Variants in CAPN12 observed in about 807,000 individuals in gnomAD.
CAPN12 encodes the protein calpain 12.
In CAPN12, 107 loss-of-function variants were observed where a neutral mutation model predicts 95.0. The ratio of observed to expected loss-of-function variants is 1.13; its 90% CI spans 0.96 to 1.32. CAPN12 has a LOEUF of 1.32. CAPN12 is among the 40% of genes most tolerant of loss of function. CAPN12 has a pLI of 0.00. For missense variants in CAPN12, 1,136 were observed against 997.8 expected, an observed-to-expected ratio of 1.14 and a Z score of -1.87; for synonymous variants, 505 against 415.5, an observed-to-expected ratio of 1.22 and a Z score of -2.62.
Position 38,742,480 on chromosome 19 carries a change from C to G in CAPN12, c.356G>C (p.Arg119Pro), listed in dbSNP as rs377331214. 1 of 1,613,740 alleles carries G rather than the reference C, an allele frequency of 6.2e-7. No individual in the cohort carries two copies. The highest frequency in any genetic ancestry group is 8.5e-7 in the Non-Finnish European group (1 of 1,179,816). ...AAAASLTLYP[R>P]LLRRVVPPGQ... ...AGGAGGGACCACCCGGCGCAGGAGCCGGGGATACAGAGTAAGGGAGGCGGC... is the reference window on the plus strand; with the variant it reads ...AGGAGGGACCACCCGGCGCAGGAGCGGGGGATACAGAGTAAGGGAGGCGGC... Residue 119 changes from arginine to proline, a missense_variant, in exon 3 of 21, where the codon CGG (arginine) becomes CCG (proline). Physicochemically the swap from Arg to Pro is moderately radical, Grantham distance 103. Coordinates refer to ENST00000328867, the MANE Select transcript of CAPN12 (RefSeq NM_144691.4).
At chr19:38,741,682 A>G in intron 4 of CAPN12, 95 bp downstream of exon 4, 1 of 1,465,766 alleles carries the variant, frequency 6.8e-7, no homozygotes. Context: ...GGGTGTTTGG[A>G]GGATTGCAGA....
At position 38,736,104 on chromosome 19, in the gene CAPN12, G is replaced by A. The variant is rs1255405856; in HGVS notation, c.1583+6C>T. On this transcript the variant is annotated splice_donor_region_variant and intron_variant, in intron 12 of 20. Transcript: ENST00000328867. The stretch of plus-strand genomic sequence containing the variant: ...ATGGGGTCGGATTTGGGTGCCCGGG[G>A]CTCACACGGCCGTGTGGCGGCGCTC... The A allele has an allele frequency of 1.4e-5, 21 of 1,492,268 alleles. No homozygotes were observed. Among genetic ancestry groups the A allele is most frequent in the Non-Finnish European group, 1.8e-5 (20 of 1,124,280 alleles). The allele number at this position is 1,492,268 out of a possible 1,614,324, so 92.4% of individuals were successfully genotyped here.
chr19:38,734,841 C>T lies in CAPN12; in HGVS notation c.1716G>A (p.Gln572=). Residue 572 remains glutamine (Q), a synonymous_variant, in exon 15 of 21, where the codon CAG becomes CAA. Transcript: ENST00000328867. ...GCTCCAGGGCAATGCTTAGTAAGGCCTGGAGCTGAGAGGCATTGAGTTCTT... is the reference window on the plus strand; with the variant it reads ...GCTCCAGGGCAATGCTTAGTAAGGCTTGGAGCTGAGAGGCATTGAGTTCTT... ...EEEELNASQL[Q]ALLSIALEPA... is the part of the protein sequence containing the mutation. 1.2e-6 allele frequency: 2 copies of T among 1,612,764 alleles called. No homozygotes were observed. The highest frequency in any genetic ancestry group is 1.7e-6 in the Non-Finnish European group (2 of 1,179,886).
In CAPN12 at chr19:38,737,361, C is replaced by T. The variant is rs1970271014; in HGVS notation, c.1157G>A (p.Arg386His). 5 of 1,568,752 alleles carry T rather than the reference C, an allele frequency of 3.2e-6. No homozygotes were observed. The highest frequency in any genetic ancestry group is 4.3e-6 in the Non-Finnish European group (5 of 1,153,942). ...CTCATCAGGCTCCAGCAGCGTTAAA[C>T]GGAACTGAGGATTGGTCCAGAAGGT... ...AETFWTNPQFRLTLLEPDEED... is the reference protein window; with the variant it reads ...AETFWTNPQFHLTLLEPDEED... The change falls in exon 10 of 21, where the codon CGT becomes CAT. Residue 386 changes from arginine to histidine, a missense_variant. By Grantham distance (29) the Arg-to-His change is conservative. Coordinates refer to ENST00000328867, the MANE Select transcript of CAPN12 (RefSeq NM_144691.4).
chr19:38,736,633 C>T (rs1970193294), intron 10 of CAPN12, 70 bp from the exon 11 acceptor site: 1 of 1,504,704 alleles, frequency 6.6e-7, no homozygotes, highest in East Asian at 2.3e-5. Flanking sequence ...CTCCTCCCTG[C>T]CCCTTCTCAC....
Position 38,742,463 on chromosome 19 carries a change from C to A in CAPN12, c.373G>T (p.Val125Phe). 6.2e-7 allele frequency: 1 copy of A among 1,613,920 alleles called. No individual in the cohort carries two copies. The change falls in exon 3 of 21, where the codon GTC becomes TTC. Residue 125 changes from valine to phenylalanine, a missense_variant. Physicochemically the swap from Val to Phe is conservative, Grantham distance 50 (BLOSUM62 -1). Transcript: ENST00000328867. ...TGCTGGAAATCCTGTCCAGGAGGGA[C>A]CACCCGGCGCAGGAGCCGGGGATAC... ...TLYPRLLRRV[V>F]PPGQDFQHGY...
chr19:38,733,588 G>A, intron 18 of CAPN12, 115 bp downstream of exon 18: 2 of 903,910 alleles, frequency 2.2e-6, no homozygotes, highest in South Asian at 1.5e-5. Flanking sequence ...GCTAAGGTGT[G>A]GGCCTGTGGA....
chr19:38,737,781 T>A, intron 8 of CAPN12, 143 bp from the exon 9 acceptor site: 1 of 1,129,744 alleles, frequency 8.9e-7, no homozygotes. Context: ...GAACCCCAAA[T>A]GCCTGGGCCT....
At chr19:38,737,715 C>G in intron 8 of CAPN12, 77 bp from the exon 9 acceptor site, 3 of 1,437,644 alleles carry the variant, frequency 2.1e-6, no homozygotes. Context: ...ACTCCCAGAT[C>G]CCAAAGCCCC....
chr19:38,738,726 CACCAA>C, intron 5 of CAPN12, 78 bp from the exon 6 acceptor site: 5 of 1,386,446 alleles, frequency 3.6e-6, no homozygotes, highest in South Asian at 2.3e-5. Flanking sequence ...AACCTCCTGC[CACCAA>C]GGCAGGAGCC....
rs145752366 is a variant in CAPN12 at position 38,741,820 on chromosome 19, G to A, written c.517C>T (p.Arg173Trp). ...GKLMFVRSEQ[R>W]NEFWAPLLEK... ...AGGAGTGGGGCCCAGAACTCATTCC[G>A]CTGTTCCGAGCGCACGAACATCAGC... Residue 173 changes from arginine (R) to tryptophan (W), a missense_variant, in exon 4 of 21, where the codon CGG becomes TGG. Arg to Trp is a moderately radical substitution (Grantham distance 101). Coordinates refer to ENST00000328867, the MANE Select transcript of CAPN12 (RefSeq NM_144691.4). 2.1e-4 allele frequency: 334 copies of A among 1,613,978 alleles called. No individual in the cohort carries two copies. The highest frequency in any genetic ancestry group is 2.6e-4 in the Non-Finnish European group (309 of 1,180,056).
At chr19:38,738,878 T>C (rs1490950726) in intron 5 of CAPN12, 1 of 572,322 alleles carries the variant, frequency 1.7e-6, no homozygotes, top group African/African-American at 1.9e-5. Context: ...ACGCCTGTAA[T>C]CCCAGCACTT....
At chr19:38,738,991 G>A (rs1441942147) in intron 5 of CAPN12, 1 of 358,094 alleles carries the variant, frequency 2.8e-6, no homozygotes, top group Non-Finnish European at 5.3e-6. Flanking sequence ...AATTCAACAG[G>A]CGTGGTGGTG....
chr19:38,734,892 G>C (rs1969907294), intron 14 of CAPN12, 22 bp from the exon 15 acceptor site: 1 of 1,611,584 alleles, frequency 6.2e-7, no homozygotes, highest in Non-Finnish European at 8.5e-7. Context: ...AAGAGGGCTT[G>C]TGAGGCCATT....
rs370829994 is a variant in CAPN12 at position 38,735,133 on chromosome 19, G to A, written c.1686+237C>T. The A allele has an allele frequency of 1.1e-3, 672 of 602,534 alleles. 8 individuals carry two copies. The highest frequency in any genetic ancestry group is 8.4e-3 in the South Asian group (397 of 47,446). The allele number at this position is 602,534 out of a possible 1,614,324, so 37.3% of individuals were successfully genotyped here. ...GGGCTGGGCACCTTAGATGAGACCT[G>A]AGCCTGGCTGGAGGTGTCAGGAGGG... On this transcript the variant is annotated intron_variant, in intron 14 of 20. Transcript: ENST00000328867.
chr19:38,737,678 C>T (rs958823897), intron 8 of CAPN12, 40 bp from the exon 9 acceptor site: 6 of 1,496,372 alleles, frequency 4.0e-6, no homozygotes, highest in Non-Finnish European at 4.5e-6. Flanking sequence ...GGCCCCACCT[C>T]GAGGGGGTCC....
chr19:38,744,367 T>A lies in CAPN12; in HGVS notation c.-202A>T, dbSNP rs915630379. 4.9e-6 allele frequency: 3 copies of A among 607,264 alleles called. No homozygotes were observed. Among genetic ancestry groups the A allele is most frequent in the Non-Finnish European group, 8.7e-6 (3 of 344,228 alleles). 37.6% of individuals were successfully genotyped at this position (607,264 alleles called of 1,614,324 possible). ...CTTCCCAGGGCGTGGGGCCTTCAGTTGTGGCCAAGGTAGCAGCTTAATGGG... is the reference window on the plus strand; with the variant it reads ...CTTCCCAGGGCGTGGGGCCTTCAGTAGTGGCCAAGGTAGCAGCTTAATGGG... On this transcript the variant is annotated 5_prime_UTR_variant, in exon 1 of 21. Coordinates refer to ENST00000328867, the MANE Select transcript of CAPN12 (RefSeq NM_144691.4).
intron 18 of CAPN12, chr19:38,731,451 A>C: frequency 1.7e-6 from 1 of 580,922 alleles, no homozygotes; most frequent in East Asian, 2.9e-5. Flanking sequence ...GTGTGAAGAC[A>C]GAACGCTCAG....
At chr19:38,731,527 C>T (rs901248695) in intron 18 of CAPN12, 3 of 448,574 alleles carry the variant, frequency 6.7e-6, no homozygotes, top group Non-Finnish European at 1.2e-5. Flanking sequence ...GGGGCTTTCT[C>T]CTTGCCAGTG....
Sources: gnomAD v4.1 joint callset for allele counts on GRCh38, gnomAD v4.1.1 for gene constraint, MANE v1.5 for transcripts, NCBI Gene and HGNC (gene_info 2026-07-23, HGNC 2026-07-21) for gene names.